The following STIM2 variants were observed in gnomAD, a reference collection of about 807,000 sequenced individuals.
STIM2 encodes the protein stromal interaction molecule 2.
In STIM2, 31 loss-of-function variants were observed where a neutral mutation model predicts 85.8. The ratio of observed to expected loss-of-function variants is 0.36; its 90% CI spans 0.27 to 0.49. The LOEUF is 0.49. Among genes scored for constraint, STIM2 ranks in the 20% least tolerant of loss-of-function variants. STIM2 has a pLI of 0.98. For missense variants in STIM2, 841 were observed against 927.6 expected (o/e 0.91, Z 1.21); for synonymous variants, 356 against 331.1 (o/e 1.08, Z -0.82).
chr4:26,972,647 T>C (rs1727005764), intron 3 of STIM2, among the ~76,000 whole-genome samples: 1 of 152,196 alleles, frequency 6.6e-6, no homozygotes, highest in African/African-American at 2.4e-5. Context: ...TTTGCCAGTA[T>C]TTTATTGAGG....
At chr4:26,999,529 A>T (rs758984466) in intron 5 of STIM2, among the ~76,000 whole-genome samples, 182 bp downstream of exon 5, 36 of 152,214 alleles carry the variant, frequency 2.4e-4, no homozygotes, top group Non-Finnish European at 4.6e-4. Context: ...TTGAAACATG[A>T]GTGTGAAATT....
intron 2 of STIM2, among the ~76,000 whole-genome samples, chr4:26,920,033 T>C (rs1282529097): frequency 2.0e-5 from 3 of 152,188 alleles, no homozygotes; most frequent in Admixed American, 1.3e-4. Context: ...CCCTTAGATA[T>C]GGGCCGAGGT....
intron 2 of STIM2, among the ~76,000 whole-genome samples, chr4:26,928,014 G>T (rs1725043572): frequency 6.6e-6 from 1 of 151,794 alleles, no homozygotes; most frequent in Non-Finnish European, 1.5e-5. Context: ...CCAACATCAA[G>T]GTGCTGGCAG....
intron 1 of STIM2, among the ~76,000 whole-genome samples, chr4:26,898,337 ACTT>A (rs1723785075): frequency 1.3e-5 from 2 of 152,278 alleles, no homozygotes; most frequent in East Asian, 3.9e-4. Context: ...AGTACTGTGT[ACTT>A]CTTGTTATAT....
chr4:26,961,814 G>T (rs1230020580), intron 3 of STIM2, among the ~76,000 whole-genome samples: 1 of 152,084 alleles, frequency 6.6e-6, no homozygotes, highest in South Asian at 2.1e-4. Context: ...ACCCAGGCCG[G>T]AGTGCAGTGG....
intron 3 of STIM2, among the ~76,000 whole-genome samples, chr4:26,960,596 C>A (rs1183027844): frequency 6.6e-6 from 1 of 152,096 alleles, no homozygotes; most frequent in Admixed American, 6.5e-5. Flanking sequence ...TTTAGTTGGT[C>A]AAATGTTTTG....
chr4:26,965,725 AT>A (rs1431141486), intron 3 of STIM2, among the ~76,000 whole-genome samples: 1 of 151,740 alleles, frequency 6.6e-6, no homozygotes, highest in Non-Finnish European at 1.5e-5. Context: ...GCATATGCTG[AT>A]TTGCTGGGAT....
At chr4:26,917,882 A>G (rs1158030592) in intron 1 of STIM2, among the ~76,000 whole-genome samples, 3 of 152,150 alleles carry the variant, frequency 2.0e-5, no homozygotes, top group African/African-American at 7.2e-5. Flanking sequence ...CTTATCTTCT[A>G]TTTTGCATCT....
In STIM2 at chr4:26,999,305, C is replaced by G. The variant is rs1728065556; in HGVS notation, c.583C>G (p.Gln195Glu). The change falls in exon 5 of 12, where the codon CAG becomes GAG. Residue 195 changes from glutamine to glutamate, a missense_variant. Physicochemically the swap from Gln to Glu is conservative, Grantham distance 29. Coordinates refer to ENST00000467087, the MANE Select transcript of STIM2 (RefSeq NM_020860.4). ...TGACCGGAGTCACAGACAAAAACTT[C>G]AGCTCAAGGCATTGGATGTGGTTTT... The G allele has an allele frequency of 1.2e-6, 2 of 1,609,704 alleles. No individual in the cohort carries two copies. Among genetic ancestry groups the G allele is most frequent in the African/African-American group, 1.3e-5 (1 of 74,746 alleles).
At chr4:26,976,607 A>G (rs1432916106) in intron 3 of STIM2, among the ~76,000 whole-genome samples, 1 of 152,000 alleles carries the variant, frequency 6.6e-6, no homozygotes, top group African/African-American at 2.4e-5. Flanking sequence ...CAGGAGTTTG[A>G]GACCAGCCTG....
intron 1 of STIM2, among the ~76,000 whole-genome samples, chr4:26,872,344 T>A (rs1288445016): frequency 2.0e-5 from 3 of 152,198 alleles, no homozygotes; most frequent in Non-Finnish European, 4.4e-5. Flanking sequence ...TGAGTCATTT[T>A]GTACCTTTAT....
chr4:27,021,080 G>A (rs1277843391), intron 11 of STIM2: 1 of 1,532,472 alleles, frequency 6.5e-7, no homozygotes, highest in African/African-American at 1.4e-5. Flanking sequence ...TGAGTAAGAT[G>A]TGATCCCTGT....
intron 2 of STIM2, among the ~76,000 whole-genome samples, chr4:26,937,991 T>C (rs895746580): frequency 3.3e-5 from 5 of 152,054 alleles, no homozygotes; most frequent in Non-Finnish European, 7.4e-5. Flanking sequence ...ATTTTTTGTC[T>C]TTTTTTCCTC....
chr4:26,904,500 G>A (rs182767852), intron 1 of STIM2, among the ~76,000 whole-genome samples: 1 of 152,120 alleles, frequency 6.6e-6, no homozygotes, highest in East Asian at 1.9e-4. Context: ...AAAATGATCA[G>A]CTGTGGCAAA....
chr4:26,872,128 C>T (rs1385958543), intron 1 of STIM2, among the ~76,000 whole-genome samples: 1 of 151,968 alleles, frequency 6.6e-6, no homozygotes, highest in Non-Finnish European at 1.5e-5. Flanking sequence ...TAGAAATGTG[C>T]TTTGATTTAT....
chr4:27,024,394 AACAACTGAT>A lies in STIM2; in HGVS notation c.*1402_*1410del, dbSNP rs1184435635. 1 of 152,224 alleles carries A rather than the reference AACAACTGAT, an allele frequency of 6.6e-6. No individual in the cohort carries two copies. Among genetic ancestry groups the A allele is most frequent in the Non-Finnish European group, 1.5e-5 (1 of 68,030 alleles). 9.4% of individuals were successfully genotyped at this position (152,224 alleles called of 1,614,324 possible). On this transcript the variant is annotated 3_prime_UTR_variant, in exon 12 of 12. Transcript: ENST00000467087. ...TGCAATGCAGATGGATGTTTGGATG[AACAACTGAT>A]ACATTTTAGTTAGAATGCTTTTTCA...
intron 3 of STIM2, among the ~76,000 whole-genome samples, chr4:26,979,429 A>G (rs183642488): frequency 6.6e-6 from 1 of 152,324 alleles, no homozygotes; most frequent in East Asian, 1.9e-4. Flanking sequence ...ACACTTCAGT[A>G]ATATCTAAGA....
intron 3 of STIM2, among the ~76,000 whole-genome samples, chr4:26,985,083 G>A (rs1399189217): frequency 1.3e-5 from 2 of 152,106 alleles, no homozygotes; most frequent in Admixed American, 6.5e-5. Flanking sequence ...TGCAAATGAG[G>A]AGCTCACATT....
At chr4:26,981,552 C>T (rs904733397) in intron 3 of STIM2, among the ~76,000 whole-genome samples, 1 of 151,940 alleles carries the variant, frequency 6.6e-6, no homozygotes, top group Non-Finnish European at 1.5e-5. Flanking sequence ...GTCTAGATAC[C>T]CTCCGCTCCC....
Sources: gnomAD v4.1 joint callset for allele counts (sites outside exome capture counted in the v4.1 genomes callset) on GRCh38, gnomAD v4.1.1 for gene constraint, MANE v1.5 for transcripts, NCBI Gene and HGNC (gene_info 2026-07-23, HGNC 2026-07-21) for gene names.